The following TEX101 variants were observed in gnomAD, a reference collection of about 807,000 sequenced individuals.
The protein encoded by TEX101 is testis expressed 101.
A neutral mutation model predicts 18.1 loss-of-function variants in TEX101; 10 were observed. The observed-to-expected ratio is 0.55, with a 90% CI of 0.34 to 0.94. The LOEUF (loss-of-function observed/expected upper bound fraction) is 0.94, where lower values mean the gene tolerates loss of function less well. TEX101 is among the 40% of genes least tolerant of loss of function. TEX101 has a pLI of 0.02. For synonymous variants in TEX101, 94 were observed against 114.8 expected, an observed-to-expected ratio of 0.82 and a Z score of 1.16; for missense variants, 259 against 298.9, an observed-to-expected ratio of 0.87 and a Z score of 0.98.
chr19:43,418,031 G>A, intron 5 of TEX101, 25 bp downstream of exon 5: 3 of 1,614,132 alleles, frequency 1.9e-6, no homozygotes, highest in Non-Finnish European at 1.7e-6. Flanking sequence ...ACATCTGATA[G>A]TTTCAGAGGC....
chr19:43,416,316 G>A lies in TEX101; in HGVS notation c.209-57G>A, dbSNP rs187445679. ...CTCCATGCCAATGCTTGTTCCCTTC[G>A]TCCAGGCCAATTGTGACGGCCACCA... On this transcript the variant is annotated intron_variant, in intron 3 of 5. Transcript: ENST00000598265. 63 of 1,586,918 alleles carry A rather than the reference G, an allele frequency of 4.0e-5. 2 individuals carry two copies. In the Middle Eastern group the frequency reaches 3.2e-3, roughly 81 times the overall value.
At chr19:43,401,336 G>A (rs760194456), upstream of TEX101, among the ~76,000 whole-genome samples, 1 of 152,164 alleles carries the variant, frequency 6.6e-6, no homozygotes, top group East Asian at 1.9e-4. Context: ...TTAGGTATAG[G>A]TCAATTAACA....
chr19:43,405,625 A>ACAT (rs1205170587), intron 2 of TEX101, among the ~76,000 whole-genome samples: 16 of 151,734 alleles, frequency 1.1e-4, no homozygotes, highest in Non-Finnish European at 2.4e-4. Flanking sequence ...ATTTAAAAAC[A>ACAT]CATCTAAAAT....
rs768596267 is a variant in TEX101 at position 43,416,378 on chromosome 19, G to A, written c.214G>A (p.Glu72Lys). Residue 72 changes from glutamate to lysine, a missense_variant, in exon 4 of 6, where the codon GAG becomes AAG. Glu to Lys is a moderately conservative substitution (Grantham distance 56). Transcript: ENST00000598265. ...TCCTTCCTGTCTCATAACAGGGACT[G>A]AGACAGCCATTTTGGCCACGAAGGG... Reference protein sequence around the residue: ...ETILIIKAGTETAILATKGCI... With the variant: ...ETILIIKAGTKTAILATKGCI... The A allele has an allele frequency of 4.3e-6, 7 of 1,613,338 alleles. No homozygotes were observed. Among genetic ancestry groups the A allele is most frequent in the Admixed American group, 1.7e-5 (1 of 59,968 alleles).
chr19:43,399,824 A>T (rs1329865193), upstream of TEX101, among the ~76,000 whole-genome samples: 5 of 129,126 alleles, frequency 3.9e-5, no homozygotes, highest in African/African-American at 2.7e-5. Context: ...TTTTTTTTTT[A>T]AAGACGAAGT....
chr19:43,390,456 T>C, the TEX101 span, among the ~76,000 whole-genome samples: 24 of 128,988 alleles, frequency 1.9e-4, no homozygotes, highest in African/African-American at 6.8e-4. Flanking sequence ...TTTTCTTTTT[T>C]TTTCTTTTTT....
At chr19:43,391,686 C>T in the TEX101 span, among the ~76,000 whole-genome samples, 1 of 152,288 alleles carries the variant, frequency 6.6e-6, no homozygotes, top group Admixed American at 6.5e-5. Context: ...TTTGCCACAG[C>T]TGCCCAGTAT....
chr19:43,410,450 C>G (rs906050465), upstream of TEX101, among the ~76,000 whole-genome samples: 1 of 151,988 alleles, frequency 6.6e-6, no homozygotes, highest in African/African-American at 2.4e-5. Flanking sequence ...GGGGGCTGGT[C>G]TCCAAGACCA....
chr19:43,398,422 T>A (rs764870136), upstream of TEX101, among the ~76,000 whole-genome samples: 2 of 150,664 alleles, frequency 1.3e-5, no homozygotes, highest in Non-Finnish European at 2.9e-5. Flanking sequence ...ACTACAGGCA[T>A]GCACCACCAC....
chr19:43,408,542 G>A (rs1166817753), intron 3 of TEX101, among the ~76,000 whole-genome samples: 1 of 152,164 alleles, frequency 6.6e-6, no homozygotes, highest in Non-Finnish European at 1.5e-5. Flanking sequence ...GGACAGGGAT[G>A]TTTTAGTGCT....
chr19:43,388,876 A>C, the TEX101 span, among the ~76,000 whole-genome samples: 10 of 151,826 alleles, frequency 6.6e-5, no homozygotes, highest in Admixed American at 2.6e-4. Context: ...TCTTAATCAT[A>C]TTTTTCCAGC....
upstream of TEX101, among the ~76,000 whole-genome samples, chr19:43,414,389 T>C (rs1568458080): frequency 6.6e-6 from 1 of 152,020 alleles, no homozygotes; most frequent in Non-Finnish European, 1.5e-5. Flanking sequence ...GCTGGTGCGA[T>C]AGCGCAATCA....
chr19:43,405,787 G>A lies in TEX101; in HGVS notation c.-282-436G>A, dbSNP rs114965271. Among the ~76,000 whole-genome samples, 222 of 151,614 alleles carry A rather than the reference G, an allele frequency of 1.5e-3. 1 individual carries two copies. The highest frequency in any genetic ancestry group is 5.3e-3 in the African/African-American group (218 of 41,350). On this transcript the variant is annotated intron_variant, in intron 2 of 7. Coordinates refer to the TEX101 transcript ENST00000602198. ...AAAAATTAGCTGGGCGTGGTGGCAT[G>A]TGCTGTAATCCCAGCTATTCGGGAG...
At chr19:43,391,242 C>T in the TEX101 span, among the ~76,000 whole-genome samples, 2 of 152,186 alleles carry the variant, frequency 1.3e-5, no homozygotes, top group East Asian at 3.9e-4. Flanking sequence ...CCCTGCTTTC[C>T]GTTCTTTTCG....
chr19:43,409,613 TAAAA>T (rs112990161), intron 3 of TEX101, among the ~76,000 whole-genome samples: 76 of 132,612 alleles, frequency 5.7e-4, no homozygotes, highest in African/African-American at 1.8e-3. Flanking sequence ...GAAGTACTAG[TAAAA>T]AAAAAAAAAG....
chr19:43,410,898 T>C (rs1970413695), upstream of TEX101, among the ~76,000 whole-genome samples: 1 of 152,150 alleles, frequency 6.6e-6, no homozygotes, highest in Non-Finnish European at 1.5e-5. Context: ...AGGGTCTTGC[T>C]CTGTCACCAG....
intron 1 of TEX101, among the ~76,000 whole-genome samples, chr19:43,415,338 G>A (rs73563824): frequency 0.014 from 2,127 of 152,224 alleles, 58 homozygotes; most frequent in African/African-American, 0.049. Context: ...AAGTTGGAGG[G>A]CACTGGGTGG....
rs1330947475 is a variant in TEX101, at chr19:43,415,872, A to T, written c.-39-9A>T. ...AAAGTTAATTGCCTTCTCTCCATCA[A>T]ATTCACAGATCCAGACCAGCTCCTC... On this transcript the variant is annotated splice_polypyrimidine_tract_variant and intron_variant, in intron 1 of 5. Transcript: ENST00000598265. 1 of 1,613,088 alleles carries T rather than the reference A, an allele frequency of 6.2e-7. No homozygotes were observed. The highest frequency in any genetic ancestry group is 1.7e-5 in the Admixed American group (1 of 59,954).
chr19:43,403,293 G>T (rs1454627920), intron 2 of TEX101, among the ~76,000 whole-genome samples: 1 of 152,184 alleles, frequency 6.6e-6, no homozygotes, highest in Non-Finnish European at 1.5e-5. Context: ...AGGCTTAAAG[G>T]TTTTCTAAAT....
Sources: allele counts gnomAD v4.1 joint callset (sites outside exome capture counted in the v4.1 genomes callset), GRCh38; gene constraint gnomAD v4.1.1; transcripts MANE v1.5; gene names NCBI Gene and HGNC (gene_info 2026-07-23, HGNC 2026-07-21).